RGS5: variants seen among roughly 807,000 people sequenced by gnomAD.
The protein encoded by RGS5 is regulator of G protein signaling 5.
Under a neutral mutation model 18.9 loss-of-function variants are expected in RGS5, and 20 were observed. The ratio of observed to expected loss-of-function variants is 1.06; its 90% CI spans 0.74 to 1.54. The LOEUF is 1.54. RGS5 is among the 40% of genes most tolerant of loss of function. The pLI is 0.00. For missense variants in RGS5, 201 were observed against 211.8 expected, an observed-to-expected ratio of 0.95 and a Z score of 0.32; for synonymous variants, 57 against 76.2, an observed-to-expected ratio of 0.75 and a Z score of 1.31.
chr1:163,151,971 A>G (rs1657392682), intron 4 of RGS5, among the ~76,000 whole-genome samples: 1 of 152,168 alleles, frequency 6.6e-6, no homozygotes, highest in South Asian at 2.1e-4. Flanking sequence ...TGTCATATAT[A>G]CCTATACATA....
intron 2 of RGS5, among the ~76,000 whole-genome samples, chr1:163,263,239 C>T (rs1202897659): frequency 2.6e-5 from 4 of 152,200 alleles, no homozygotes; most frequent in Non-Finnish European, 4.4e-5. Context: ...CATGGTAATA[C>T]GCCCACTAGG....
Position 163,286,546 on chromosome 1 carries a change from T to C in RGS5, c.-281+19687A>G, listed in dbSNP as rs12561789. 3.3e-5 allele frequency among the ~76,000 whole-genome samples: 5 copies of C among 152,256 alleles called. No homozygotes were observed. The East Asian group carries it at 5.8e-4, about 18-fold the overall frequency. ...ATTCGTCTATTTTATAAAATGATTA[T>C]CTCCCTAATCTCATTTTCCTTTTAT... On this transcript the variant is annotated intron_variant, in intron 2 of 5. Coordinates refer to the RGS5 transcript ENST00000618415.
chr1:163,222,373 TC>T (rs1262462327), upstream of RGS5, among the ~76,000 whole-genome samples: 1 of 152,038 alleles, frequency 6.6e-6, no homozygotes, highest in East Asian at 1.9e-4. Context: ...AACAGTTTCA[TC>T]CCCAAACCAC....
chr1:163,208,028 C>A (rs1659990249), intron 1 of RGS5, among the ~76,000 whole-genome samples: 1 of 152,004 alleles, frequency 6.6e-6, no homozygotes, highest in African/African-American at 2.4e-5. Context: ...TAAGTTATAT[C>A]AATAAATGTA....
chr1:163,226,296 A>G (rs1647334154), intron 2 of RGS5, among the ~76,000 whole-genome samples: 1 of 152,248 alleles, frequency 6.6e-6, no homozygotes, highest in Non-Finnish European at 1.5e-5. Flanking sequence ...AAAATTGTTC[A>G]CTGGGTACAT....
At position 163,146,963 on chromosome 1, in the gene RGS5, C is replaced by T. The variant is rs956891819; in HGVS notation, c.*379G>A. ...TAAGCTCCTTTGAAATAGGTCTGTC[C>T]ACACTTAATATTCTTTTTTAGACCA... On this transcript the variant is annotated 3_prime_UTR_variant, in exon 5 of 5. Coordinates refer to ENST00000313961, the MANE Select transcript of RGS5 (RefSeq NM_003617.4). 6.3e-6 allele frequency: 1 copy of T among 157,964 alleles called. No homozygotes were observed. The highest frequency in any genetic ancestry group is 1.4e-5 in the Non-Finnish European group (1 of 71,898). The allele number at this position is 157,964 out of a possible 1,614,324, so 9.8% of individuals were successfully genotyped here.
At chr1:163,276,935 G>A (rs1648872628) in intron 2 of RGS5, among the ~76,000 whole-genome samples, 1 of 152,128 alleles carries the variant, frequency 6.6e-6, no homozygotes, top group Admixed American at 6.6e-5. Context: ...ACAGGAATTG[G>A]GAGTCAGACA....
chr1:163,192,982 A>G (rs1173163554), intron 1 of RGS5, among the ~76,000 whole-genome samples: 2 of 152,218 alleles, frequency 1.3e-5, no homozygotes, highest in African/African-American at 4.8e-5. Flanking sequence ...CAAGTGCCTC[A>G]TCAAGAAACA....
chr1:163,221,220 G>A (rs1329545411), upstream of RGS5, among the ~76,000 whole-genome samples: 4 of 152,252 alleles, frequency 2.6e-5, no homozygotes, highest in East Asian at 5.8e-4. Context: ...TGTAGAGACC[G>A]GGCGCGGTGG....
At chr1:163,219,114 C>G (rs1453405028), upstream of RGS5, among the ~76,000 whole-genome samples, 1 of 114,528 alleles carries the variant, frequency 8.7e-6, no homozygotes, top group Non-Finnish European at 2.0e-5. Context: ...TTGTCTTACT[C>G]TTTATCGAGG....
chr1:163,266,418 A>G lies in RGS5; in HGVS notation c.-281+39815T>C, dbSNP rs537878443. 2.3e-4 allele frequency among the ~76,000 whole-genome samples: 35 copies of G among 152,284 alleles called. No individual in the cohort carries two copies. In the South Asian group the frequency reaches 6.2e-3, roughly 27 times the overall value. On this transcript the variant is annotated intron_variant, in intron 2 of 5. Coordinates refer to the RGS5 transcript ENST00000618415. ...CTGGATTTGCATCTCTCAAATCACT[A>G]TAAGAATGATGTTTCTAAAACACCA...
intron 2 of RGS5, among the ~76,000 whole-genome samples, chr1:163,254,153 T>G (rs535267780): frequency 6.6e-6 from 1 of 150,464 alleles, no homozygotes; most frequent in East Asian, 1.9e-4. Flanking sequence ...TATAGTCCTT[T>G]GGGTATATAC....
chr1:163,287,338 A>C (rs765398310), intron 2 of RGS5, among the ~76,000 whole-genome samples: 3 of 152,150 alleles, frequency 2.0e-5, no homozygotes, highest in Non-Finnish European at 2.9e-5. Context: ...GGCTTTGTAG[A>C]GATACTCCCA....
chr1:163,156,511 G>T (rs1462754087), intron 3 of RGS5, among the ~76,000 whole-genome samples: 1 of 152,094 alleles, frequency 6.6e-6, no homozygotes, highest in East Asian at 1.9e-4. Context: ...GTCACTTTCT[G>T]TTCTTTTGTT....
intron 2 of RGS5, chr1:163,248,613 C>T (rs763574670): frequency 6.6e-5 from 10 of 151,434 alleles, no homozygotes; most frequent in Non-Finnish European, 1.3e-4. Flanking sequence ...AAAAAAAAAA[C>T]ACAGCTCAGC....
intron 2 of RGS5, among the ~76,000 whole-genome samples, chr1:163,295,192 G>A (rs78894474): frequency 1.3e-5 from 2 of 151,900 alleles, no homozygotes. Flanking sequence ...ATCTTTATAG[G>A]AGCACCCCAG....
intron 2 of RGS5, among the ~76,000 whole-genome samples, chr1:163,274,729 G>A (rs1237829638): frequency 6.6e-6 from 1 of 152,174 alleles, no homozygotes; most frequent in Non-Finnish European, 1.5e-5. Flanking sequence ...AAATTGAATT[G>A]AATTGTTGGA....
chr1:163,169,114 T>C (rs1045733754), intron 1 of RGS5, among the ~76,000 whole-genome samples: 8 of 151,766 alleles, frequency 5.3e-5, no homozygotes, highest in African/African-American at 1.7e-4. Context: ...CATGTGCTGT[T>C]TGGTTTTTTG....
At chr1:163,209,567 T>G (rs990464479) in intron 1 of RGS5, among the ~76,000 whole-genome samples, 2 of 152,150 alleles carry the variant, frequency 1.3e-5, no homozygotes, top group Non-Finnish European at 2.9e-5. Context: ...TGTTTTATAA[T>G]TTTCCTTTTG....
Sources: allele counts gnomAD v4.1 joint callset (sites outside exome capture counted in the v4.1 genomes callset), GRCh38; gene constraint gnomAD v4.1.1; transcripts MANE v1.5; gene names NCBI Gene and HGNC (gene_info 2026-07-23, HGNC 2026-07-21).